Variants in C12orf43 observed in about 807,000 individuals in gnomAD.
The protein encoded by C12orf43 is chromosome 12 open reading frame 43, also known as protein CUSTOS.
Under a neutral mutation model 20.6 loss-of-function variants are expected in C12orf43, and 15 were observed. The observed-to-expected ratio is 0.73, with a 90% CI of 0.49 to 1.12. The LOEUF is 1.12. Among genes scored for constraint, C12orf43 ranks in the 50% most tolerant of loss-of-function variants. The pLI, the probability that C12orf43 is intolerant of heterozygous loss-of-function variation, is 0.00. For synonymous variants in C12orf43, 144 were observed against 130.8 expected (o/e 1.10, Z -0.69); for missense variants, 334 against 344.4 (o/e 0.97, Z 0.24).
chr12:121,001,440 A>G lies in C12orf43; in HGVS notation c.*2713T>C. 1 of 548,298 alleles carries G rather than the reference A, an allele frequency of 1.8e-6. No individual in the cohort carries two copies. The highest frequency in any genetic ancestry group is 3.1e-5 in the East Asian group (1 of 32,430). The allele number at this position is 548,298 out of a possible 1,614,324, so 34.0% of individuals were successfully genotyped here. ...TAGGAGCAAAGCCTGTTCATGGCAG[A>G]TGTAGGAGGGACTGTCGCTGCTTCG... On this transcript the variant is annotated 3_prime_UTR_variant, in exon 6 of 6. Transcript: ENST00000288757.
At position 121,003,937 on chromosome 12, in the gene C12orf43, G is replaced by A; in HGVS notation, c.*216C>T. ...GCCAGCCCTCCGTGGGAGCACAGAGGGGCAGGCCTTGATTGGTCTTCTCAC... is the reference window on the plus strand; with the variant it reads ...GCCAGCCCTCCGTGGGAGCACAGAGAGGCAGGCCTTGATTGGTCTTCTCAC... On this transcript the variant is annotated 3_prime_UTR_variant, in exon 6 of 6. Transcript: ENST00000288757. The A allele has an allele frequency of 3.3e-6, 2 of 605,036 alleles. No individual in the cohort carries two copies. Among genetic ancestry groups the A allele is most frequent in the Non-Finnish European group, 5.9e-6 (2 of 339,532 alleles). The allele number at this position is 605,036 out of a possible 1,614,324, so 37.5% of individuals were successfully genotyped here. A position where few individuals can be genotyped will look rare whatever the true frequency, so the allele number is the denominator to read the frequency against.
At position 121,005,852 on chromosome 12, in the gene C12orf43, G is replaced by A. The variant is rs962338053; in HGVS notation, c.361+469C>T. On this transcript the variant is annotated intron_variant, in intron 4 of 5. Transcript: ENST00000288757. The surrounding 1 kb of genome is among the most constrained non-coding windows in gnomAD (Gnocchi z 5.6). ...CCCCAGTACTTTGGTAGTCTGAGGC[G>A]GGAGGATAGCTTGAGGCCAGGAGTT... is the stretch of plus-strand genomic sequence containing the variant. The A allele has an allele frequency of 6.1e-5, 10 of 163,300 alleles. No individual in the cohort carries two copies. Among genetic ancestry groups the A allele is most frequent in the Admixed American group, 3.6e-4 (6 of 16,652 alleles). The allele number at this position is 163,300 out of a possible 1,614,324, so 10.1% of individuals were successfully genotyped here.
At chr12:121,011,626 T>C (rs1424967401) in intron 1 of C12orf43, among the ~76,000 whole-genome samples, 2 of 152,156 alleles carry the variant, frequency 1.3e-5, no homozygotes, top group African/African-American at 2.4e-5. Context: ...ATATGTAAAA[T>C]AACTTGGCCA....
chr12:121,008,387 A>G (rs1466374686), intron 3 of C12orf43, among the ~76,000 whole-genome samples: 6 of 152,202 alleles, frequency 3.9e-5, no homozygotes, highest in African/African-American at 1.4e-4. Context: ...CACCCGCTTC[A>G]GCCTCCCAAA....
intron 3 of C12orf43, 180 bp from the exon 4 acceptor site, chr12:121,006,574 A>G (rs1233906905): frequency 1.7e-6 from 1 of 595,224 alleles, no homozygotes; most frequent in East Asian, 2.9e-5. Flanking sequence ...TGCCACGCGA[A>G]CTGCAGTGCT....
Position 121,000,980 on chromosome 12 carries a change from C to T in C12orf43, c.*3173G>A. 1 of 1,577,734 alleles carries T rather than the reference C, an allele frequency of 6.3e-7. No homozygotes were observed. The highest frequency in any genetic ancestry group is 1.3e-5 in the African/African-American group (1 of 74,606). ...GATCCAGGAGGTGTGGCCCTGCCTC[C>T]CCATCCTGAGTACCCCTAGGGACAG... On this transcript the variant is annotated 3_prime_UTR_variant, in exon 6 of 6. Coordinates refer to ENST00000288757, the MANE Select transcript of C12orf43 (RefSeq NM_022895.3).
In C12orf43 at chr12:121,000,942, T is replaced by C; in HGVS notation, c.*3211A>G. The C allele has an allele frequency of 7.3e-7, 1 of 1,368,258 alleles. No homozygotes were observed. Among genetic ancestry groups the C allele is most frequent in the Non-Finnish European group, 1.0e-6 (1 of 975,850 alleles). 84.8% of individuals were successfully genotyped at this position (1,368,258 alleles called of 1,614,324 possible). A position where few individuals can be genotyped will look rare whatever the true frequency, so the allele number is the denominator to read the frequency against. On this transcript the variant is annotated 3_prime_UTR_variant, in exon 6 of 6. Coordinates refer to ENST00000288757, the MANE Select transcript of C12orf43 (RefSeq NM_022895.3). ...GGTAGAGGTGTGACTTTGGGGTTCC[T>C]GTTATCTGCTGTGATCCAGGAGGTG...
intron 4 of C12orf43, 50 bp downstream of exon 4, chr12:121,006,271 C>T: frequency 6.7e-7 from 1 of 1,496,326 alleles, no homozygotes; most frequent in Non-Finnish European, 9.3e-7. Context: ...CCTCCAGACA[C>T]ACATTAGGTG....
At chr12:121,015,582 A>G (rs1041849314) in intron 1 of C12orf43, among the ~76,000 whole-genome samples, 1 of 152,252 alleles carries the variant, frequency 6.6e-6, no homozygotes, top group Admixed American at 6.5e-5. Flanking sequence ...AGATATAGAG[A>G]TGGGTCTAAA....
At position 121,006,339 on chromosome 12, in the gene C12orf43, C is replaced by CT; in HGVS notation, c.342dup (p.Val115SerfsTer6). 6.2e-7 allele frequency: 1 copy of CT among 1,614,026 alleles called. No individual in the cohort carries two copies. The highest frequency in any genetic ancestry group is 8.5e-7 in the Non-Finnish European group (1 of 1,179,886). ...CACTCACCATCATCCTCCAAAGCGA[C>CT]TTTCTGTACCTTAGCTTTTGCTGGC... On this transcript the variant is annotated frameshift_variant, in exon 4 of 6. Coordinates refer to ENST00000288757, the MANE Select transcript of C12orf43 (RefSeq NM_022895.3). LOFTEE classifies it high-confidence loss of function.
At position 121,005,126 on chromosome 12, in the gene C12orf43, C is replaced by G; in HGVS notation, c.362-33G>C. 1.0e-6 allele frequency: 1 copy of G among 997,400 alleles called. No individual in the cohort carries two copies. Among genetic ancestry groups the G allele is most frequent in the Non-Finnish European group, 1.3e-6 (1 of 762,228 alleles). The allele number at this position is 997,400 out of a possible 1,614,324, so 61.8% of individuals were successfully genotyped here. A position where few individuals can be genotyped will look rare whatever the true frequency, so the allele number is the denominator to read the frequency against. On this transcript the variant is annotated intron_variant, in intron 4 of 5. Transcript: ENST00000288757. This position sits in a 1 kb window ranked among gnomAD's most constrained non-coding sequence, Gnocchi z 5.6. ...TCAATGGGGCAGAGTCAAACAAAAA[C>G]AAAACAAAACAAAAAGAAACATAAA...
intron 2 of C12orf43, 64 bp from the exon 3 acceptor site, chr12:121,010,990 G>A (rs936666072): frequency 6.3e-7 from 1 of 1,595,680 alleles, no homozygotes; most frequent in South Asian, 1.1e-5. Context: ...TGAGCACAGG[G>A]ACCATGTGTG....
In C12orf43 at chr12:121,002,811, C is replaced by A; in HGVS notation, c.*1342G>T. ...TGAACTCCTGGACTAAAGGGATCCT[C>A]CCACCTCAGCCTCACAAGCAGCCTC... On this transcript the variant is annotated 3_prime_UTR_variant, in exon 6 of 6. Coordinates refer to ENST00000288757, the MANE Select transcript of C12orf43 (RefSeq NM_022895.3). 5.9e-6 allele frequency: 1 copy of A among 169,064 alleles called. No individual in the cohort carries two copies. The highest frequency in any genetic ancestry group is 1.3e-5 in the Non-Finnish European group (1 of 78,778). 10.5% of individuals were successfully genotyped at this position (169,064 alleles called of 1,614,324 possible). A position where few individuals can be genotyped will look rare whatever the true frequency, so the allele number is the denominator to read the frequency against.
Position 121,002,142 on chromosome 12 carries a change from G to C in C12orf43, c.*2011C>G. On this transcript the variant is annotated 3_prime_UTR_variant, in exon 6 of 6. Transcript: ENST00000288757. ...AGGCCCGAGCAGCTGAGCAGGGCCG[G>C]GGAACTGGCCAAGCTGAGGTGCCCA... 1.9e-6 allele frequency: 1 copy of C among 517,318 alleles called. No individual in the cohort carries two copies. Among genetic ancestry groups the C allele is most frequent in the South Asian group, 1.6e-5 (1 of 62,606 alleles). The allele number at this position is 517,318 out of a possible 1,614,324, so 32.0% of individuals were successfully genotyped here.
rs992551170 is a variant in C12orf43, at chr12:121,002,588, G to A, written c.*1565C>T. The A allele has an allele frequency of 1.6e-5, 7 of 424,304 alleles. No homozygotes were observed. The highest frequency in any genetic ancestry group is 1.0e-4 in the African/African-American group (5 of 48,378). 26.3% of individuals were successfully genotyped at this position (424,304 alleles called of 1,614,324 possible). ...AGGCTGGGGCAGGCCAGAGGCCTGC[G>A]AAGAGGAGACAGGCTCCAGCACCCA... is the stretch of plus-strand genomic sequence containing the variant. On this transcript the variant is annotated 3_prime_UTR_variant, in exon 6 of 6. Transcript: ENST00000288757.
chr12:121,006,524 A>G, intron 3 of C12orf43, 130 bp from the exon 4 acceptor site: 2 of 825,392 alleles, frequency 2.4e-6, no homozygotes, highest in South Asian at 1.5e-5. Flanking sequence ...TGGCCTAGTA[A>G]GAGGGCTGAT....
chr12:121,006,079 G>T (rs1326853895), intron 4 of C12orf43: 1 of 460,372 alleles, frequency 2.2e-6, no homozygotes, highest in South Asian at 2.7e-5. Context: ...AGCCAGGGGT[G>T]GTGGTGTGTG....
At position 121,004,871 on chromosome 12, in the gene C12orf43, T is replaced by G; in HGVS notation, c.452+132A>C. Reference sequence around the variant, plus strand: ...CTTTCCCTCCCGCTGAGCTCATGATTTCTCCAGCTGCCTGACAGGGCCACT... The same window carrying G: ...CTTTCCCTCCCGCTGAGCTCATGATGTCTCCAGCTGCCTGACAGGGCCACT... On this transcript the variant is annotated intron_variant, in intron 5 of 5. Coordinates refer to ENST00000288757, the MANE Select transcript of C12orf43 (RefSeq NM_022895.3). The surrounding 1 kb of genome is among the most constrained non-coding windows in gnomAD (Gnocchi z 5.6). The G allele has an allele frequency of 1.6e-6, 1 of 623,308 alleles. No homozygotes were observed. Among genetic ancestry groups the G allele is most frequent in the Non-Finnish European group, 2.5e-6 (1 of 393,054 alleles). The allele number at this position is 623,308 out of a possible 1,614,324, so 38.6% of individuals were successfully genotyped here.
intron 1 of C12orf43, among the ~76,000 whole-genome samples, chr12:121,014,394 C>A (rs1305750703): frequency 6.6e-6 from 1 of 151,108 alleles, no homozygotes; most frequent in African/African-American, 2.4e-5. Context: ...TTTGGAAGGC[C>A]GAGGCAGGTG....
Sources: allele counts gnomAD v4.1 joint callset (sites outside exome capture counted in the v4.1 genomes callset), GRCh38; gene constraint gnomAD v4.1.1; non-coding constraint Gnocchi (gnomAD v3.1); transcripts MANE v1.5; gene names NCBI Gene and HGNC (gene_info 2026-07-23, HGNC 2026-07-21).